OR2L13: variants seen among roughly 807,000 people sequenced by gnomAD.
OR2L13 encodes olfactory receptor 2L13.
In OR2L13, 14 loss-of-function variants were observed where a neutral mutation model predicts 15.3. The ratio of observed to expected loss-of-function variants is 0.91; its 90% confidence interval spans 0.60 to 1.43. The LOEUF (loss-of-function observed/expected upper bound fraction) is 1.43. OR2L13 is among the 40% of genes most tolerant of loss of function. The pLI is 0.00. For synonymous variants in OR2L13, 152 were observed against 142.9 expected (o/e 1.06, Z -0.45); for missense variants, 367 against 387.9 (o/e 0.95, Z 0.45).
the OR2L13 span, among the ~76,000 whole-genome samples, chr1:247,957,050 T>C: frequency 6.6e-6 from 1 of 152,242 alleles, no homozygotes; most frequent in Non-Finnish European, 1.5e-5. Context: ...CTTCCAGTTT[T>C]TGCCCATTCA....
chr1:248,000,195 A>G, the OR2L13 span, among the ~76,000 whole-genome samples: 1 of 151,096 alleles, frequency 6.6e-6, no homozygotes, highest in African/African-American at 2.4e-5. Context: ...TAAGGAGACC[A>G]GCCTTATTTT....
the OR2L13 span, among the ~76,000 whole-genome samples, chr1:248,069,574 CA>C: frequency 6.6e-6 from 1 of 152,108 alleles, no homozygotes; most frequent in African/African-American, 2.4e-5. Flanking sequence ...AACTGTCGAG[CA>C]AAATAACCAG....
the OR2L13 span, chr1:248,041,399 A>G: frequency 1.3e-5 from 2 of 152,230 alleles, no homozygotes; most frequent in Admixed American, 6.5e-5. Context: ...CTAAAACCAT[A>G]AAAACCCTAG....
At chr1:247,975,528 G>A in the OR2L13 span, 2 of 1,105,938 alleles carry the variant, frequency 1.8e-6, no homozygotes, top group Non-Finnish European at 2.8e-6. Context: ...CTCCAACAGA[G>A]GACAAGGTTC....
At chr1:248,015,258 C>A in the OR2L13 span, among the ~76,000 whole-genome samples, 1 of 152,156 alleles carries the variant, frequency 6.6e-6, no homozygotes, top group East Asian at 1.9e-4. Context: ...ACATTATGTA[C>A]TGTGTCTCTT....
the OR2L13 span, among the ~76,000 whole-genome samples, chr1:247,993,807 G>GAGAAAGAGAA: frequency 7.8e-6 from 1 of 129,020 alleles, no homozygotes; most frequent in Non-Finnish European, 1.6e-5. Context: ...GAGAGAGAGA[G>GAGAAAGAGAA]AGAGAAAGAA....
At chr1:248,029,730 A>G in the OR2L13 span, among the ~76,000 whole-genome samples, 1 of 152,210 alleles carries the variant, frequency 6.6e-6, no homozygotes, top group Admixed American at 6.5e-5. Flanking sequence ...AAAGAAATTA[A>G]TGTATGCAGA....
chr1:248,045,711 T>C, the OR2L13 span: 2 of 152,206 alleles, frequency 1.3e-5, no homozygotes, highest in African/African-American at 4.8e-5. Context: ...TTCAGGAAAT[T>C]GTCCTTGCCA....
the OR2L13 span, chr1:248,061,510 T>C: frequency 6.2e-7 from 1 of 1,613,916 alleles, no homozygotes; most frequent in Non-Finnish European, 8.5e-7. Flanking sequence ...GGCTGTCTTC[T>C]ACACCACCCT....
chr1:247,957,680 T>C, the OR2L13 span, among the ~76,000 whole-genome samples: 6 of 152,226 alleles, frequency 3.9e-5, no homozygotes, highest in African/African-American at 1.2e-4. Context: ...GGAGGGTGTA[T>C]GTGTTGAGGA....
chr1:247,996,262 G>A, the OR2L13 span, among the ~76,000 whole-genome samples: 3 of 152,044 alleles, frequency 2.0e-5, no homozygotes, highest in Non-Finnish European at 4.4e-5. Context: ...GTGCCACTGC[G>A]CCCTGCTCTT....
the OR2L13 span, among the ~76,000 whole-genome samples, chr1:248,001,264 G>A: frequency 4.6e-5 from 7 of 151,990 alleles, no homozygotes; most frequent in South Asian, 2.1e-4. Context: ...ATGCTGTGAC[G>A]TTCCAGGTGC....
At chr1:247,988,222 A>C in the OR2L13 span, among the ~76,000 whole-genome samples, 1 of 151,900 alleles carries the variant, frequency 6.6e-6, no homozygotes, top group Non-Finnish European at 1.5e-5. Context: ...GTCCTGTTAT[A>C]TTAATTTTCT....
chr1:247,949,271 A>G, the OR2L13 span: 4 of 1,614,152 alleles, frequency 2.5e-6, no homozygotes, highest in Non-Finnish European at 3.4e-6. Context: ...TGAGCAAAAG[A>G]GTGTGTGTGC....
chr1:247,987,561 A>G, the OR2L13 span, among the ~76,000 whole-genome samples: 1 of 152,180 alleles, frequency 6.6e-6, no homozygotes, highest in Non-Finnish European at 1.5e-5. Context: ...ATGCATAGAC[A>G]TGGTGTCCAC....
chr1:247,951,240 T>G, the OR2L13 span, among the ~76,000 whole-genome samples: 1 of 152,144 alleles, frequency 6.6e-6, no homozygotes, highest in Non-Finnish European at 1.5e-5. Flanking sequence ...AGCTTTGCTC[T>G]TTTTTTCAGG....
At chr1:247,967,045 C>CACACACACACACACACACACA in the OR2L13 span, among the ~76,000 whole-genome samples, 5 of 147,410 alleles carry the variant, frequency 3.4e-5, no homozygotes, top group Non-Finnish European at 6.0e-5. Flanking sequence ...ACACCACACA[C>CACACACACACACACACACACA]CACACACACA....
At chr1:248,033,367 T>C in the OR2L13 span, among the ~76,000 whole-genome samples, 2 of 152,198 alleles carry the variant, frequency 1.3e-5, no homozygotes, top group African/African-American at 4.8e-5. Context: ...CTTGGTTTGC[T>C]TGCCAAAAAA....
At chr1:247,990,945 C>A in the OR2L13 span, 1 of 1,469,574 alleles carries the variant, frequency 6.8e-7, no homozygotes, top group Non-Finnish European at 9.5e-7. Context: ...CTGTCTACCA[C>A]ATGCACTCTG....
Sources: allele counts gnomAD v4.1 joint callset (sites outside exome capture counted in the v4.1 genomes callset), GRCh38; gene constraint gnomAD v4.1.1; transcripts MANE v1.5; gene names NCBI Gene and HGNC (gene_info 2026-07-23, HGNC 2026-07-21).